CNTLN: variants seen among roughly 807,000 people sequenced by gnomAD.
CNTLN encodes centlein, centrosomal protein.
Under a neutral mutation model 180.0 loss-of-function variants are expected in CNTLN, and 212 were observed. The ratio of observed to expected loss-of-function variants is 1.18; its 90% CI spans 1.05 to 1.32. The LOEUF (loss-of-function observed/expected upper bound fraction) is 1.32, where lower values mean the gene tolerates loss of function less well. Ranked by LOEUF, CNTLN falls within the 40% of genes most tolerant of loss-of-function variation. The pLI is 0.00. For missense variants in CNTLN, 2,095 were observed against 1,610.9 expected, an observed-to-expected ratio of 1.30 and a Z score of -5.14; for synonymous variants, 722 against 563.1, an observed-to-expected ratio of 1.28 and a Z score of -3.99.
chr9:17,180,846 T>C (rs559301897), intron 2 of CNTLN, among the ~76,000 whole-genome samples: 1 of 152,306 alleles, frequency 6.6e-6, no homozygotes. Flanking sequence ...TTCTTTTCTT[T>C]TCTTTCGGTA....
the CNTLN span, among the ~76,000 whole-genome samples, chr9:17,519,085 G>GTTAT: frequency 4.6e-4 from 69 of 151,234 alleles, no homozygotes; most frequent in East Asian, 1.2e-3. Context: ...ACCAGGCCTA[G>GTTAT]TTATTTATTT....
chr9:17,135,295 C>T lies in CNTLN; in HGVS notation c.230C>T (p.Ala77Val), dbSNP rs1817626290. The change falls in exon 1 of 26, where the codon GCT (alanine) becomes GTT (valine). Residue 77 changes from alanine (A) to valine (V), a missense_variant. Ala to Val is a moderately conservative substitution (Grantham distance 64). Coordinates refer to ENST00000380647, the MANE Select transcript of CNTLN (RefSeq NM_017738.4). ...CCTGGGGGGGCAGCTCCGGCTCATG[C>T]TCCCCTCCTCAGCGCGCCCATGGGG... ...RGPGGAAPAH[A>V]PLLSAPMGSR... 2 of 1,600,702 alleles carry T rather than the reference C, an allele frequency of 1.2e-6. No homozygotes were observed. Among genetic ancestry groups the T allele is most frequent in the Non-Finnish European group, 1.7e-6 (2 of 1,174,412 alleles).
intron 6 of CNTLN, among the ~76,000 whole-genome samples, chr9:17,290,072 G>T (rs1829266041): frequency 6.6e-6 from 1 of 152,172 alleles, no homozygotes; most frequent in African/African-American, 2.4e-5. Flanking sequence ...TCCTTTGGAG[G>T]AGGAGAGGCG....
chr9:17,318,844 CCATCCATCCAT>C (rs1819711395), intron 8 of CNTLN, among the ~76,000 whole-genome samples: 1 of 3,770 alleles, frequency 2.7e-4, no homozygotes, highest in Non-Finnish European at 1.9e-3. Context: ...TTTATTCCAT[CCATCCATCCAT>C]CCATCCATCC....
intron 12 of CNTLN, among the ~76,000 whole-genome samples, chr9:17,365,153 G>A (rs1311858023): frequency 1.3e-5 from 2 of 152,150 alleles, no homozygotes; most frequent in Non-Finnish European, 2.9e-5. Context: ...GGAGGGGTCT[G>A]GTGAGAGGTG....
intron 18 of CNTLN, among the ~76,000 whole-genome samples, chr9:17,455,273 C>A (rs947110901): frequency 5.3e-5 from 8 of 152,072 alleles, no homozygotes; most frequent in African/African-American, 1.9e-4. Context: ...TGCATATATA[C>A]CTAACACTGG....
chr9:17,190,647 A>T (rs1056108886), intron 2 of CNTLN, among the ~76,000 whole-genome samples: 1 of 152,174 alleles, frequency 6.6e-6, no homozygotes, highest in African/African-American at 2.4e-5. Flanking sequence ...AAATTTATGC[A>T]AAAACATCTC....
intron 8 of CNTLN, among the ~76,000 whole-genome samples, chr9:17,328,559 G>C (rs559111827): frequency 2.6e-5 from 4 of 152,254 alleles, no homozygotes; most frequent in African/African-American, 9.6e-5. Flanking sequence ...TTTATTAGGA[G>C]AAATGTAAAA....
At chr9:17,435,635 A>G (rs1440687418) in intron 18 of CNTLN, among the ~76,000 whole-genome samples, 3 of 150,412 alleles carry the variant, frequency 2.0e-5, no homozygotes, top group Admixed American at 1.3e-4. Context: ...ATCTCGGCTC[A>G]CTGCAGCCTC....
intron 5 of CNTLN, among the ~76,000 whole-genome samples, chr9:17,256,687 C>T (rs892017619): frequency 2.0e-5 from 3 of 151,742 alleles, no homozygotes; most frequent in African/African-American, 7.3e-5. Flanking sequence ...GTTTTATAGA[C>T]AGAAAAGGGC....
intron 12 of CNTLN, among the ~76,000 whole-genome samples, chr9:17,347,738 C>CA (rs1220930680): frequency 1.3e-5 from 2 of 151,348 alleles, no homozygotes; most frequent in Non-Finnish European, 2.9e-5. Flanking sequence ...AACTACCAGA[C>CA]ATCATAGCTT....
chr9:17,358,843 C>CA (rs1308466090), intron 12 of CNTLN, among the ~76,000 whole-genome samples: 4 of 151,952 alleles, frequency 2.6e-5, no homozygotes, highest in Admixed American at 6.6e-5. Flanking sequence ...GCTAAAATTC[C>CA]AAAAAAACCT....
At chr9:17,216,598 T>G (rs1392493107) in intron 2 of CNTLN, among the ~76,000 whole-genome samples, 19 of 152,226 alleles carry the variant, frequency 1.2e-4, no homozygotes, top group Admixed American at 1.2e-3. Flanking sequence ...GAGATTGTCT[T>G]ATTTTTATTT....
At chr9:17,402,499 C>G (rs1827059321) in intron 15 of CNTLN, among the ~76,000 whole-genome samples, 1 of 151,838 alleles carries the variant, frequency 6.6e-6, no homozygotes, top group Non-Finnish European at 1.5e-5. Flanking sequence ...ATTATAGGGA[C>G]AGTAGCCCCC....
At chr9:17,144,857 C>T (rs1019290270) in intron 2 of CNTLN, among the ~76,000 whole-genome samples, 9 of 147,028 alleles carry the variant, frequency 6.1e-5, no homozygotes, top group African/African-American at 1.0e-4. Flanking sequence ...TTTTTTGAGA[C>T]GGAGTCTCGC....
chr9:17,168,006 A>G (rs1380714027), intron 2 of CNTLN: 2 of 152,182 alleles, frequency 1.3e-5, no homozygotes, highest in African/African-American at 4.8e-5. Context: ...ACAAGATTAC[A>G]CATGTCAGAC....
intron 18 of CNTLN, among the ~76,000 whole-genome samples, chr9:17,446,762 C>T (rs1159518506): frequency 6.6e-6 from 1 of 151,970 alleles, no homozygotes; most frequent in African/African-American, 2.4e-5. Context: ...CTGGCTAGTC[C>T]ACAAAGGCCT....
rs576356284 is a variant in CNTLN, at chr9:17,265,297, A to G, written c.850-8436A>G. Among the ~76,000 whole-genome samples, 205 of 152,220 alleles carry G rather than the reference A, an allele frequency of 1.3e-3. 1 individual carries two copies. Among genetic ancestry groups the G allele is most frequent in the Admixed American group, 4.5e-3 (69 of 15,284 alleles). The stretch of plus-strand genomic sequence containing the variant: ...GGCCTTTTCTGCATCTTTTGAGATA[A>G]TCATGTGGTTTTTGTCTTTAGTTCT... On this transcript the variant is annotated intron_variant, in intron 5 of 25. Transcript: ENST00000380647.
intron 25 of CNTLN, among the ~76,000 whole-genome samples, chr9:17,491,057 A>G (rs974504791): frequency 2.0e-5 from 3 of 152,096 alleles, no homozygotes; most frequent in Non-Finnish European, 2.9e-5. Context: ...TTTGCCCACT[A>G]AAAGACAGTG....
Sources: gnomAD v4.1 joint callset for allele counts (sites outside exome capture counted in the v4.1 genomes callset) on GRCh38, gnomAD v4.1.1 for gene constraint, MANE v1.5 for transcripts, NCBI Gene and HGNC (gene_info 2026-07-23, HGNC 2026-07-21) for gene names.